PSPC1: variants seen among roughly 807,000 people sequenced by gnomAD.
PSPC1 encodes paraspeckle component 1.
PSPC1 carries 14 observed loss-of-function variants against 51.6 expected under a neutral mutation model. That is an observed-to-expected ratio of 0.27 (90% CI 0.18 to 0.42). The LOEUF (loss-of-function observed/expected upper bound fraction) is 0.42. PSPC1 is among the 10% of genes least tolerant of loss of function. PSPC1 has a pLI of 1.00. For synonymous variants in PSPC1, 193 were observed against 231.9 expected, an observed-to-expected ratio of 0.83 and a Z score of 1.53; for missense variants, 406 against 701.1, an observed-to-expected ratio of 0.58 and a Z score of 4.75.
chr13:19,673,174 C>A (rs141840243), downstream of PSPC1: 2,443 of 449,612 alleles, frequency 5.4e-3, 63 homozygotes, highest in African/African-American at 0.042. Context: ...TAGGTAACAG[C>A]CAAACCTGGC....
intron 7 of PSPC1, among the ~76,000 whole-genome samples, chr13:19,708,940 A>G (rs1881048137): frequency 3.3e-5 from 5 of 152,088 alleles, no homozygotes; most frequent in Admixed American, 3.3e-4. Context: ...ATGGGGGTAA[A>G]CTGCTTGAGC....
chr13:19,689,200 G>C (rs1878278567), intron 6 of PSPC1, among the ~76,000 whole-genome samples: 1 of 152,218 alleles, frequency 6.6e-6, no homozygotes, highest in Non-Finnish European at 1.5e-5. Context: ...GGCTGCTCTA[G>C]ACAGCAGCCA....
At chr13:19,680,534 G>GTC (rs1458467805) in intron 6 of PSPC1, among the ~76,000 whole-genome samples, 4 of 152,086 alleles carry the variant, frequency 2.6e-5, no homozygotes, top group Non-Finnish European at 5.9e-5. Flanking sequence ...GTCCTAGAAA[G>GTC]CTAAGACAAA....
chr13:19,680,960 G>A (rs1343243474), intron 6 of PSPC1, among the ~76,000 whole-genome samples: 1 of 152,224 alleles, frequency 6.6e-6, no homozygotes, highest in African/African-American at 2.4e-5. Context: ...GCTCATGCCT[G>A]TAATCCCAGC....
At chr13:19,695,045 G>C (rs536206624) in intron 6 of PSPC1, among the ~76,000 whole-genome samples, 2 of 152,218 alleles carry the variant, frequency 1.3e-5, no homozygotes, top group African/African-American at 4.8e-5. Flanking sequence ...TAGGAAGTCA[G>C]TATGTAACTA....
chr13:19,781,034 G>A (rs968228674), intron 1 of PSPC1, among the ~76,000 whole-genome samples: 10 of 151,452 alleles, frequency 6.6e-5, no homozygotes, highest in Non-Finnish European at 1.0e-4. Flanking sequence ...GTGCGTGACT[G>A]TAGTCCCCGT....
At chr13:19,689,477 C>T (rs1272762024) in intron 6 of PSPC1, among the ~76,000 whole-genome samples, 2 of 152,188 alleles carry the variant, frequency 1.3e-5, no homozygotes. Flanking sequence ...ATATATACTA[C>T]TATAATGTGA....
At chr13:19,743,520 A>G (rs1885644347) in intron 4 of PSPC1, among the ~76,000 whole-genome samples, 1 of 152,220 alleles carries the variant, frequency 6.6e-6, no homozygotes, top group Non-Finnish European at 1.5e-5. Flanking sequence ...AAGTTGCTCC[A>G]GCTATTACAT....
At chr13:19,675,774 G>A (rs766669448) in intron 7 of PSPC1, 1 of 152,256 alleles carries the variant, frequency 6.6e-6, no homozygotes, top group South Asian at 2.1e-4. Flanking sequence ...CTGACCAGCA[G>A]ACCTAAATTC....
rs1886140466 is a variant in PSPC1 at position 19,747,707 on chromosome 13, T to A, written c.967+3564A>T. On this transcript the variant is annotated intron_variant, in intron 4 of 8. Coordinates refer to ENST00000338910, the MANE Select transcript of PSPC1 (RefSeq NM_001354909.2). ...AACATCTAATGACATATGCAAATTT[T>A]TTTTCATTAAAGAATACAAAAGAGA... 2.0e-5 allele frequency among the ~76,000 whole-genome samples: 3 copies of A among 152,188 alleles called. No individual in the cohort carries two copies. In the South Asian group the frequency reaches 6.2e-4, roughly 32 times the overall value.
At chr13:19,748,234 AAAG>A (rs2138098884) in intron 4 of PSPC1, among the ~76,000 whole-genome samples, 1 of 151,954 alleles carries the variant, frequency 6.6e-6, no homozygotes, top group South Asian at 2.1e-4. Context: ...AGAAAAAAAA[AAAG>A]AAATACAAAA....
chr13:19,730,389 C>G, intron 5 of PSPC1, 45 bp from the exon 6 acceptor site: 1 of 1,521,706 alleles, frequency 6.6e-7, no homozygotes, highest in Non-Finnish European at 9.1e-7. Context: ...AACATGTGGG[C>G]TGCCATTGGA....
intron 6 of PSPC1, among the ~76,000 whole-genome samples, chr13:19,692,727 C>A (rs143214809): frequency 6.6e-6 from 1 of 152,192 alleles, no homozygotes; most frequent in Non-Finnish European, 1.5e-5. Flanking sequence ...TATCCTCAAC[C>A]CATCATTCAA....
In PSPC1 at chr13:19,772,473, C is replaced by T. The variant is rs775115126; in HGVS notation, c.443G>A (p.Arg148Gln). Residue 148 changes from arginine to glutamine, a missense_variant, in exon 2 of 9, where the codon CGG (arginine) becomes CAG (glutamine). This residue lies in a region of PSPC1 where 180 missense variants were observed against 337.9 expected (regional missense o/e 0.53). Transcript: ENST00000338910. ...DGTILKSRPL[R>Q]IRFATHGAAL... Reference sequence around the variant, plus strand: ...TGCTCCATGTGTAGCGAAGCGAATCCGTAGAGGTCTGCTCTTGAGAATGGT... The same window carrying T: ...TGCTCCATGTGTAGCGAAGCGAATCTGTAGAGGTCTGCTCTTGAGAATGGT... 3 of 1,614,060 alleles carry T rather than the reference C, an allele frequency of 1.9e-6. No homozygotes were observed. Among genetic ancestry groups the T allele is most frequent in the Non-Finnish European group, 2.5e-6 (3 of 1,180,048 alleles).
intron 6 of PSPC1, among the ~76,000 whole-genome samples, chr13:19,694,166 T>TATACATACAC (rs1555228210): frequency 9.6e-6 from 1 of 104,236 alleles, no homozygotes; most frequent in African/African-American, 3.5e-5. Flanking sequence ...TATATATATA[T>TATACATACAC]ACATACACAC....
downstream of PSPC1, chr13:19,671,913 G>A (rs374241530): frequency 3.5e-4 from 563 of 1,599,432 alleles, no homozygotes; most frequent in Admixed American, 9.5e-4. Context: ...TCTTCAGACC[G>A]ATTCCTATAC....
chr13:19,765,897 T>C (rs536975539), intron 2 of PSPC1, among the ~76,000 whole-genome samples: 1 of 152,274 alleles, frequency 6.6e-6, no homozygotes, highest in Admixed American at 6.5e-5. Context: ...GGAAATATTA[T>C]AATGTTTTTC....
At chr13:19,711,717 G>A (rs1593591922) in intron 6 of PSPC1, among the ~76,000 whole-genome samples, 1 of 149,164 alleles carries the variant, frequency 6.7e-6, no homozygotes, top group African/African-American at 2.5e-5. Flanking sequence ...AGTGGCACAT[G>A]CCTGTAATCC....
At chr13:19,737,215 T>A (rs566772711) in intron 5 of PSPC1, 1 of 152,346 alleles carries the variant, frequency 6.6e-6, no homozygotes, top group South Asian at 2.1e-4. Context: ...GTTCAAGCAA[T>A]CCGCCCACCT....
Sources: gnomAD v4.1 joint callset for allele counts (sites outside exome capture counted in the v4.1 genomes callset) on GRCh38, gnomAD v4.1.1 for gene constraint, gnomAD v4.1.1 regional missense constraint, MANE v1.5 for transcripts, NCBI Gene and HGNC (gene_info 2026-07-23, HGNC 2026-07-21) for gene names.